The following SSMEM1 variants were observed in gnomAD, a reference collection of about 807,000 sequenced individuals.
SSMEM1 encodes serine rich single-pass membrane protein 1, also known as serine-rich single-pass membrane protein 1.
In SSMEM1, 12 loss-of-function variants were observed where a neutral mutation model predicts 9.9. That is an observed-to-expected ratio of 1.21 (90% CI 0.78 to 1.96). SSMEM1 has a LOEUF of 1.96. SSMEM1 is among the 30% of genes most tolerant of loss of function. The pLI is 0.00. For missense variants in SSMEM1, 259 were observed against 292.2 expected (o/e 0.89, Z 0.83); for synonymous variants, 96 against 98.9 (o/e 0.97, Z 0.17).
chr7:130,213,692 C>CAAAAAAA lies in SSMEM1; in HGVS notation c.238+174_238+180dup, dbSNP rs1179465068. ...TTGAGAACATAGTGAGACCCAGTAC[C>CAAAAAAA]AAAAAAAAAAAAAAAAAAAAAAGAA... is the stretch of plus-strand genomic sequence containing the variant. On this transcript the variant is annotated intron_variant, in intron 2 of 2. Coordinates refer to ENST00000297819, the MANE Select transcript of SSMEM1 (RefSeq NM_145268.4). Among the ~76,000 whole-genome samples the CAAAAAAA allele has an allele frequency of 6.0e-3, 472 of 78,582 alleles. 3 individuals are homozygous for CAAAAAAA. Among genetic ancestry groups the CAAAAAAA allele is most frequent in the Middle Eastern group, 0.018 (2 of 112 alleles). The allele number at this position is 78,582 out of a possible 152,430, so 51.6% of individuals were successfully genotyped here.
At chr7:130,214,549 C>T (rs541941374) in intron 2 of SSMEM1, among the ~76,000 whole-genome samples, 35 of 152,266 alleles carry the variant, frequency 2.3e-4, no homozygotes, top group African/African-American at 7.9e-4. Context: ...TTCATTTTTG[C>T]CAGACCCTTG....
At chr7:130,211,160 C>CT (rs59732545) in intron 1 of SSMEM1, among the ~76,000 whole-genome samples, 98,333 of 133,974 alleles carry the variant, frequency 0.73, 36,339 homozygotes, top group Middle Eastern at 0.76. Context: ...AAAGTGGTAT[C>CT]TTTTTTTTTT....
At chr7:130,207,804 C>A, upstream of SSMEM1, 1 of 1,199,876 alleles carries the variant, frequency 8.3e-7, no homozygotes, top group Non-Finnish European at 1.2e-6. Flanking sequence ...AAGTATGTGT[C>A]ATAATAGGTT....
Position 130,213,526 on chromosome 7 carries a change from T to C in SSMEM1, c.230T>C (p.Val77Ala). 1.2e-6 allele frequency: 2 copies of C among 1,609,734 alleles called. No homozygotes were observed. Among genetic ancestry groups the C allele is most frequent in the African/African-American group, 1.3e-5 (1 of 74,404 alleles). ...KDEGSGTSTS[V>A]RKASKETSCK... The stretch of plus-strand genomic sequence containing the variant: ...GAAGGCAGTGGGACAAGTACTTCAG[T>C]AAGGAAAGGTGAGAACCAGTGCATA... Residue 77 changes from valine (V) to alanine (A), a missense_variant, in exon 2 of 3, where the codon GTA becomes GCA. Val to Ala is a moderately conservative substitution (Grantham distance 64). Coordinates refer to ENST00000297819, the MANE Select transcript of SSMEM1 (RefSeq NM_145268.4).
Position 130,207,978 on chromosome 7 carries a change from C to T in SSMEM1, c.68C>T (p.Pro23Leu). ...PPPIPVNCAI[P>L]NQDYECWKDD... ...CCAATACCTGTAAATTGTGCCATTC[C>T]AAATCAGGATTATGAATGCTGGAAG... The change falls in exon 1 of 3, where the codon CCA becomes CTA. Residue 23 changes from proline to leucine, a missense_variant. Coordinates refer to ENST00000297819, the MANE Select transcript of SSMEM1 (RefSeq NM_145268.4). The T allele has an allele frequency of 6.2e-7, 1 of 1,614,014 alleles. No homozygotes were observed. The highest frequency in any genetic ancestry group is 8.5e-7 in the Non-Finnish European group (1 of 1,179,972).
Position 130,216,697 on chromosome 7 carries a change from C to T in SSMEM1, c.*227C>T, listed in dbSNP as rs1468982105. The T allele has an allele frequency of 3.7e-6, 2 of 537,502 alleles. No individual in the cohort carries two copies. The highest frequency in any genetic ancestry group is 3.8e-5 in the African/African-American group (2 of 52,750). The allele number at this position is 537,502 out of a possible 1,614,324, so 33.3% of individuals were successfully genotyped here. On this transcript the variant is annotated 3_prime_UTR_variant, in exon 3 of 3. Transcript: ENST00000297819. ...TTGGAACACCAAAGATCTATATCTG[C>T]TATGATTTTTTTATTTGAAATAGCA...
chr7:130,215,258 C>T (rs767775003), intron 2 of SSMEM1, among the ~76,000 whole-genome samples: 2 of 152,046 alleles, frequency 1.3e-5, no homozygotes, highest in East Asian at 1.9e-4. Context: ...GAGCCGAGAT[C>T]GTGCCACTGC....
chr7:130,209,680 A>G (rs988576929), intron 1 of SSMEM1, among the ~76,000 whole-genome samples: 14 of 152,200 alleles, frequency 9.2e-5, no homozygotes, highest in African/African-American at 2.9e-4. Flanking sequence ...CCTGGGTTCC[A>G]GTGATTCTCC....
At chr7:130,211,222 A>G (rs1214300678) in intron 1 of SSMEM1, among the ~76,000 whole-genome samples, 14 of 149,976 alleles carry the variant, frequency 9.3e-5, no homozygotes, top group Admixed American at 9.3e-4. Flanking sequence ...CAGTGGTGCA[A>G]TCTCTGCTCA....
rs372434401 is a variant in SSMEM1, at chr7:130,207,992, G to A, written c.82G>A (p.Glu28Lys). 6 of 1,613,960 alleles carry A rather than the reference G, an allele frequency of 3.7e-6. No individual in the cohort carries two copies. In the African/African-American group the frequency reaches 6.7e-5, roughly 18 times the overall value. The change falls in exon 1 of 3, where the codon GAA becomes AAA. Residue 28 changes from glutamate to lysine, a missense_variant. Coordinates refer to ENST00000297819, the MANE Select transcript of SSMEM1 (RefSeq NM_145268.4). ...TTGTGCCATTCCAAATCAGGATTAT[G>A]AATGCTGGAAGGATGACTCTTGTGG... is the stretch of plus-strand genomic sequence containing the variant. ...VNCAIPNQDY[E>K]CWKDDSCGTI...
In SSMEM1 at chr7:130,215,101, G is replaced by A. The variant is rs565470375; in HGVS notation, c.239-873G>A. ...GTGGATCTCCTGAGGTCAGGAGTTCGAGACCAGCCTGGCCAACATGGCAAA... is the reference window on the plus strand; with the variant it reads ...GTGGATCTCCTGAGGTCAGGAGTTCAAGACCAGCCTGGCCAACATGGCAAA... On this transcript the variant is annotated intron_variant, in intron 2 of 2. Transcript: ENST00000297819. Among the ~76,000 whole-genome samples the A allele has an allele frequency of 1.9e-4, 29 of 152,242 alleles. No individual in the cohort carries two copies. The Middle Eastern group carries it at 0.01, about 54-fold the overall frequency.
chr7:130,207,787 G>A (rs772713611), upstream of SSMEM1: 25 of 1,004,754 alleles, frequency 2.5e-5, no homozygotes, highest in Non-Finnish European at 3.6e-5. Flanking sequence ...TCCTAGAACA[G>A]TTGCTTAAGT....
chr7:130,215,615 C>A (rs1233885279), intron 2 of SSMEM1, among the ~76,000 whole-genome samples: 1 of 152,194 alleles, frequency 6.6e-6, no homozygotes, highest in Non-Finnish European at 1.5e-5. Context: ...TCCTGCTCCC[C>A]AAATCACATT....
intron 1 of SSMEM1, among the ~76,000 whole-genome samples, chr7:130,211,780 T>C (rs1387150154): frequency 6.6e-6 from 1 of 152,326 alleles, no homozygotes; most frequent in Middle Eastern, 3.4e-3. Flanking sequence ...AAAGTCTTTT[T>C]TTTCATATTT....
At chr7:130,213,386 T>A in intron 1 of SSMEM1, 94 bp from the exon 2 acceptor site, 1 of 896,292 alleles carries the variant, frequency 1.1e-6, no homozygotes, top group Non-Finnish European at 1.7e-6. Flanking sequence ...AAACCAGACA[T>A]TATAAATGGG....
At position 130,216,318 on chromosome 7, in the gene SSMEM1, G is replaced by A. The variant is rs189237675; in HGVS notation, c.583G>A (p.Glu195Lys). The change falls in exon 3 of 3, where the codon GAA becomes AAA. Residue 195 changes from glutamate to lysine, a missense_variant. Glu to Lys is a moderately conservative substitution (Grantham distance 56). Transcript: ENST00000297819. ...GAATCTGGGAAGTTACCAAATGAGC[G>A]AAAGGCACTGCCTCCACTGCAAAGC... ...QRNLGSYQMS[E>K]RHCLHCKALR... The A allele has an allele frequency of 1.5e-5, 25 of 1,614,060 alleles. No homozygotes were observed. The highest frequency in any genetic ancestry group is 1.6e-4 in the Middle Eastern group (1 of 6,082).
chr7:130,212,725 C>CA (rs976990585), intron 1 of SSMEM1, among the ~76,000 whole-genome samples: 62 of 135,214 alleles, frequency 4.6e-4, no homozygotes, highest in Middle Eastern at 7.3e-3. Flanking sequence ...GACTCCGTCT[C>CA]AAAAAAAAAA....
chr7:130,206,010 T>A (rs534638733), upstream of SSMEM1, among the ~76,000 whole-genome samples: 6 of 152,328 alleles, frequency 3.9e-5, no homozygotes, highest in East Asian at 7.7e-4. Context: ...ATTCTTAATC[T>A]GTTTAATAGG....
At chr7:130,208,122 A>G in intron 1 of SSMEM1, 29 bp downstream of exon 1, 1 of 1,575,120 alleles carries the variant, frequency 6.3e-7, no homozygotes, top group Non-Finnish European at 8.6e-7. Flanking sequence ...ATTTTAAATA[A>G]TATGTTTACT....
Sources: allele counts gnomAD v4.1 joint callset (sites outside exome capture counted in the v4.1 genomes callset), GRCh38; gene constraint gnomAD v4.1.1; transcripts MANE v1.5; gene names NCBI Gene and HGNC (gene_info 2026-07-23, HGNC 2026-07-21).